The following OCM variants were observed in gnomAD, a reference collection of about 807,000 sequenced individuals.
The protein encoded by OCM is oncomodulin-1.
OCM carries 18 observed loss-of-function variants against 14.1 expected under a neutral mutation model. The ratio of observed to expected loss-of-function variants is 1.28; its 90% CI spans 0.88 to 1.89. OCM has a LOEUF of 1.89. Ranked by LOEUF, OCM falls within the 40% of genes most tolerant of loss-of-function variation. The pLI is 0.00. For synonymous variants in OCM, 48 were observed against 51.0 expected, an observed-to-expected ratio of 0.94 and a Z score of 0.25; for missense variants, 140 against 137.6, an observed-to-expected ratio of 1.02 and a Z score of -0.09.
At chr7:5,870,320 C>G in the OCM span, among the ~76,000 whole-genome samples, 1 of 152,110 alleles carries the variant, frequency 6.6e-6, no homozygotes, top group African/African-American at 2.4e-5. Context: ...CTATGTTGCC[C>G]AATCTGGTCT....
upstream of OCM, among the ~76,000 whole-genome samples, chr7:5,875,036 A>T (rs568005686): frequency 4.8e-5 from 7 of 146,402 alleles, no homozygotes; most frequent in African/African-American, 1.8e-4. Flanking sequence ...ATCTATATCT[A>T]TATCTATATA....
At chr7:5,875,850 TC>T (rs773336452), upstream of OCM, among the ~76,000 whole-genome samples, 169 of 149,776 alleles carry the variant, frequency 1.1e-3, no homozygotes, top group Middle Eastern at 7.0e-3. Flanking sequence ...TTTTTTTTTT[TC>T]CTGAGACAAG....
At chr7:5,860,451 A>T in the OCM span, among the ~76,000 whole-genome samples, 2 of 137,504 alleles carry the variant, frequency 1.5e-5, no homozygotes, top group Non-Finnish European at 3.1e-5. Context: ...ATATACGTGT[A>T]TGTATATTAT....
At chr7:5,882,108 A>G (rs1190003999) in intron 1 of OCM, among the ~76,000 whole-genome samples, 1 of 149,092 alleles carries the variant, frequency 6.7e-6, no homozygotes. Flanking sequence ...AAAAAAAAAA[A>G]AAAAAAAAAA....
At chr7:5,879,939 C>T (rs1398697143), upstream of OCM, 1 of 152,108 alleles carries the variant, frequency 6.6e-6, no homozygotes, top group Admixed American at 6.6e-5. Flanking sequence ...CCTGATTCTT[C>T]CTGGGGGGAA....
chr7:5,863,312 C>G, the OCM span, among the ~76,000 whole-genome samples: 4 of 152,072 alleles, frequency 2.6e-5, no homozygotes, highest in African/African-American at 4.8e-5. Context: ...CGGGCGTGTC[C>G]TCAAACTGCT....
At chr7:5,884,045 G>A (rs1036536353) in intron 3 of OCM, 46 bp downstream of exon 3, 2 of 1,605,484 alleles carry the variant, frequency 1.2e-6, no homozygotes, top group Non-Finnish European at 1.7e-6. Flanking sequence ...AGCTCAGGAA[G>A]CATCCGTGAG....
chr7:5,863,513 A>G, the OCM span, among the ~76,000 whole-genome samples: 4 of 150,776 alleles, frequency 2.7e-5, no homozygotes, highest in South Asian at 8.4e-4. Context: ...CTGGCTTTAG[A>G]TAGGATGTGG....
chr7:5,867,040 A>G, the OCM span, among the ~76,000 whole-genome samples: 1 of 152,322 alleles, frequency 6.6e-6, no homozygotes, highest in African/African-American at 2.4e-5. Flanking sequence ...TGGCCCATCA[A>G]TTAACAAATC....
At chr7:5,870,124 AAT>A in the OCM span, among the ~76,000 whole-genome samples, 1 of 146,578 alleles carries the variant, frequency 6.8e-6, no homozygotes, top group Admixed American at 6.8e-5. Flanking sequence ...ATTATTTTAT[AAT>A]AAATAATAAA....
At chr7:5,865,492 C>T in the OCM span, among the ~76,000 whole-genome samples, 1 of 152,234 alleles carries the variant, frequency 6.6e-6, no homozygotes, top group Non-Finnish European at 1.5e-5. Flanking sequence ...GAACTGGAAG[C>T]CACTGCTTTT....
At chr7:5,874,295 A>G in the OCM span, among the ~76,000 whole-genome samples, 3 of 150,120 alleles carry the variant, frequency 2.0e-5, no homozygotes, top group South Asian at 6.4e-4. Context: ...CCTGGGAGCA[A>G]TTAGGAATTG....
chr7:5,883,636 A>G (rs961785729), intron 2 of OCM, among the ~76,000 whole-genome samples: 2 of 125,060 alleles, frequency 1.6e-5, no homozygotes, highest in African/African-American at 5.0e-5. Flanking sequence ...GCAGTGAGCC[A>G]TGATGGTATC....
chr7:5,876,046 C>A (rs1781088486), upstream of OCM, among the ~76,000 whole-genome samples: 1 of 152,002 alleles, frequency 6.6e-6, no homozygotes, highest in Admixed American at 6.6e-5. Flanking sequence ...GCTCTGTCAC[C>A]CAGGCTGGAG....
rs1399555665 is a variant in OCM at position 5,880,967 on chromosome 7, G to A, written c.61+17G>A. 3 of 1,610,484 alleles carry A rather than the reference G, an allele frequency of 1.9e-6. No homozygotes were observed. Among genetic ancestry groups the A allele is most frequent in the Non-Finnish European group, 2.5e-6 (3 of 1,176,848 alleles). ...AATGCCGAGGTAGAGGGGACGTGAG[G>A]CGGGGGTGGGATTTCCTCACAGCTT... is the stretch of plus-strand genomic sequence containing the variant. On this transcript the variant is annotated intron_variant, in intron 1 of 3. Transcript: ENST00000242104.
At chr7:5,861,769 G>C in the OCM span, among the ~76,000 whole-genome samples, 1 of 152,010 alleles carries the variant, frequency 6.6e-6, no homozygotes, top group Non-Finnish European at 1.5e-5. Context: ...GTTAGAGACA[G>C]GGTCTCACTA....
At chr7:5,875,663 C>A (rs1256043110), upstream of OCM, among the ~76,000 whole-genome samples, 1 of 151,920 alleles carries the variant, frequency 6.6e-6, no homozygotes, top group Non-Finnish European at 1.5e-5. Flanking sequence ...TAAAAAGTAT[C>A]TTGGTTTAAC....
chr7:5,860,827 CACACACACATATAT>C, the OCM span, among the ~76,000 whole-genome samples: 5 of 136,038 alleles, frequency 3.7e-5, no homozygotes, highest in Admixed American at 3.0e-4. Flanking sequence ...CATATATATA[CACACACACATATAT>C]ACACATACAT....
the OCM span, among the ~76,000 whole-genome samples, chr7:5,863,603 G>C: frequency 1.3e-5 from 2 of 149,744 alleles, no homozygotes; most frequent in Admixed American, 6.7e-5. Context: ...CATGATCTCA[G>C]CTCACTGCAA....
Sources: gnomAD v4.1 joint callset for allele counts (sites outside exome capture counted in the v4.1 genomes callset) on GRCh38, gnomAD v4.1.1 for gene constraint, MANE v1.5 for transcripts, NCBI Gene and HGNC (gene_info 2026-07-23, HGNC 2026-07-21) for gene names.